ADCK1: variants seen among roughly 807,000 people sequenced by gnomAD.
ADCK1 encodes the protein aarF domain containing kinase 1, also known as aarF domain-containing protein kinase 1.
In ADCK1, 41 loss-of-function variants were observed where a neutral mutation model predicts 52.3. The ratio of observed to expected loss-of-function variants is 0.78; its 90% CI spans 0.61 to 1.02. ADCK1 has a LOEUF of 1.02. Among genes scored for constraint, ADCK1 ranks in the 50% least tolerant of loss-of-function variants. The pLI, the probability that ADCK1 is intolerant of heterozygous loss-of-function variation, is 0.00. For missense variants in ADCK1, 658 were observed against 679.5 expected (o/e 0.97, Z 0.35); for synonymous variants, 250 against 274.6 (o/e 0.91, Z 0.89).
intron 3 of ADCK1, among the ~76,000 whole-genome samples, chr14:77,855,015 G>A (rs1400359104): frequency 2.0e-5 from 3 of 152,216 alleles, no homozygotes; most frequent in African/African-American, 7.2e-5. Context: ...CAACTAACCA[G>A]TCCTAATCCT....
intron 3 of ADCK1, 65 bp downstream of exon 3, chr14:77,822,583 C>G: frequency 7.5e-7 from 1 of 1,341,642 alleles, no homozygotes; most frequent in Non-Finnish European, 1.1e-6. Flanking sequence ...CTGCTATGCT[C>G]TAGTGATCCT....
chr14:77,851,438 A>G (rs2082283474), intron 3 of ADCK1, among the ~76,000 whole-genome samples: 1 of 152,152 alleles, frequency 6.6e-6, no homozygotes, highest in Non-Finnish European at 1.5e-5. Flanking sequence ...TTTTAAGAGT[A>G]GTTTGACAAT....
intron 3 of ADCK1, among the ~76,000 whole-genome samples, chr14:77,852,487 T>G (rs1194549661): frequency 6.6e-6 from 1 of 151,742 alleles, no homozygotes; most frequent in African/African-American, 2.4e-5. Flanking sequence ...CATTCGTATC[T>G]TTATTCTTCT....
At chr14:77,836,062 G>A (rs536143673) in intron 3 of ADCK1, among the ~76,000 whole-genome samples, 1 of 152,238 alleles carries the variant, frequency 6.6e-6, no homozygotes, top group South Asian at 2.1e-4. Flanking sequence ...AGGTCATAAG[G>A]GCTCTGCCCT....
intron 7 of ADCK1, among the ~76,000 whole-genome samples, chr14:77,921,841 G>A (rs1198189910): frequency 6.6e-6 from 1 of 152,118 alleles, no homozygotes; most frequent in Admixed American, 6.5e-5. Context: ...ACCCTTAGGG[G>A]CCATCTTTCA....
At chr14:77,849,382 C>A (rs984547676) in intron 3 of ADCK1, among the ~76,000 whole-genome samples, 2 of 152,120 alleles carry the variant, frequency 1.3e-5, no homozygotes, top group African/African-American at 2.4e-5. Flanking sequence ...CCAACTGGTA[C>A]TCTCTAATTT....
intron 3 of ADCK1, among the ~76,000 whole-genome samples, chr14:77,843,037 G>A (rs1169634198): frequency 6.6e-6 from 1 of 151,830 alleles, no homozygotes; most frequent in Non-Finnish European, 1.5e-5. Context: ...TCACAGGTGT[G>A]TGCCACTACT....
intron 1 of ADCK1, among the ~76,000 whole-genome samples, chr14:77,817,739 C>CT (rs774038186): frequency 1.4e-3 from 209 of 144,448 alleles, no homozygotes; most frequent in Middle Eastern, 3.5e-3. Flanking sequence ...GGGTAGTCTT[C>CT]TTTTTTTTTT....
intron 4 of ADCK1, among the ~76,000 whole-genome samples, chr14:77,867,146 C>T (rs1566682385): frequency 6.6e-6 from 1 of 152,222 alleles, no homozygotes; most frequent in Non-Finnish European, 1.5e-5. Flanking sequence ...CTGAGGTCAG[C>T]TCACCCTCTA....
chr14:77,852,665 A>ATATATATATATATAT (rs2082314141), intron 3 of ADCK1, among the ~76,000 whole-genome samples: 1 of 88,876 alleles, frequency 1.1e-5, no homozygotes, highest in Admixed American at 1.2e-4. Flanking sequence ...AAATAAATAT[A>ATATATATATATATAT]TATATATATA....
chr14:77,891,435 C>T (rs936716334), intron 5 of ADCK1, among the ~76,000 whole-genome samples: 1 of 152,214 alleles, frequency 6.6e-6, no homozygotes, highest in Non-Finnish European at 1.5e-5. Flanking sequence ...GTAAAGCCAT[C>T]AGGGCCCACT....
chr14:77,828,227 G>A (rs1035999651), intron 3 of ADCK1, among the ~76,000 whole-genome samples: 2 of 152,122 alleles, frequency 1.3e-5, no homozygotes, highest in Non-Finnish European at 2.9e-5. Flanking sequence ...GCTTCCCAGA[G>A]TGCTGGAATT....
At chr14:77,854,500 G>C (rs972117870) in intron 3 of ADCK1, among the ~76,000 whole-genome samples, 1 of 151,582 alleles carries the variant, frequency 6.6e-6, no homozygotes. Flanking sequence ...TGGAGGGACC[G>C]CTCCTCCCAG....
chr14:77,806,002 TTTTTTTTTA>T (rs2081217356), intron 1 of ADCK1, among the ~76,000 whole-genome samples: 1 of 146,650 alleles, frequency 6.8e-6, no homozygotes, highest in African/African-American at 2.6e-5. Context: ...TTTTTTTTTT[TTTTTTTTTA>T]AAGTGATGAG....
At chr14:77,863,112 T>A (rs1342579183) in intron 4 of ADCK1, among the ~76,000 whole-genome samples, 1 of 152,136 alleles carries the variant, frequency 6.6e-6, no homozygotes, top group Non-Finnish European at 1.5e-5. Context: ...GCAGAGGTTG[T>A]AGGATTGGGG....
intron 6 of ADCK1, among the ~76,000 whole-genome samples, chr14:77,903,101 A>G (rs186972292): frequency 6.5e-4 from 99 of 152,380 alleles, no homozygotes; most frequent in Non-Finnish European, 1.2e-3. Flanking sequence ...CAAGACATGC[A>G]ATAATAACAA....
chr14:77,878,395 C>A (rs2082945318), intron 4 of ADCK1, among the ~76,000 whole-genome samples: 1 of 152,228 alleles, frequency 6.6e-6, no homozygotes, highest in Admixed American at 6.5e-5. Flanking sequence ...AGGAACTACC[C>A]ATGGTTGAGC....
chr14:77,802,543 C>T (rs188991408), intron 1 of ADCK1, among the ~76,000 whole-genome samples: 55 of 152,098 alleles, frequency 3.6e-4, no homozygotes, highest in Non-Finnish European at 6.3e-4. Context: ...CTCTGCCTCT[C>T]GGGTTCCAGC....
chr14:77,883,537 G>A (rs1355525636), intron 4 of ADCK1, among the ~76,000 whole-genome samples: 1 of 152,256 alleles, frequency 6.6e-6, no homozygotes, highest in African/African-American at 2.4e-5. Flanking sequence ...ACAGGCTGCA[G>A]CACCAATCTT....
Sources: gnomAD v4.1 joint callset for allele counts (sites outside exome capture counted in the v4.1 genomes callset) on GRCh38, gnomAD v4.1.1 for gene constraint, MANE v1.5 for transcripts, NCBI Gene and HGNC (gene_info 2026-07-23, HGNC 2026-07-21) for gene names.